EMB: variants seen among roughly 807,000 people sequenced by gnomAD.
The protein encoded by EMB is embigin homolog.
EMB carries 31 observed loss-of-function variants against 41.4 expected under a neutral mutation model. The observed-to-expected ratio is 0.75, with a 90% CI of 0.56 to 1.01. The LOEUF (loss-of-function observed/expected upper bound fraction) is 1.01, where lower values mean the gene tolerates loss of function less well. Among genes scored for constraint, EMB ranks in the 50% least tolerant of loss-of-function variants. The pLI, the probability that EMB is intolerant of heterozygous loss-of-function variation, is 0.00. For synonymous variants in EMB, 137 were observed against 140.4 expected (o/e 0.98, Z 0.17); for missense variants, 379 against 388.3 (o/e 0.98, Z 0.20).
At position 50,396,883 on chromosome 5, in the gene EMB, C is replaced by T. The variant is rs1382569212; in HGVS notation, c.*2390G>A. The T allele has an allele frequency of 6.6e-6, 1 of 151,980 alleles. No individual in the cohort carries two copies. Among genetic ancestry groups the T allele is most frequent in the African/African-American group, 2.4e-5 (1 of 41,374 alleles). 9.4% of individuals were successfully genotyped at this position (151,980 alleles called of 1,614,324 possible). A position where few individuals can be genotyped will look rare whatever the true frequency, so the allele number is the denominator to read the frequency against. ...AGGTCAAAGGAGCAGGGATTCATGACCCATAAGTATTAATTAATACAGAAG... is the reference window on the plus strand; with the variant it reads ...AGGTCAAAGGAGCAGGGATTCATGATCCATAAGTATTAATTAATACAGAAG... On this transcript the variant is annotated 3_prime_UTR_variant, in exon 9 of 9. Transcript: ENST00000303221.
rs186916241 is a variant in EMB at position 50,436,113 on chromosome 5, C to T, written c.112+4927G>A. Among the ~76,000 whole-genome samples, 299 of 152,250 alleles carry T rather than the reference C, an allele frequency of 2.0e-3. 1 individual carries two copies. Among genetic ancestry groups the T allele is most frequent in the Middle Eastern group, 6.8e-3 (2 of 294 alleles). On this transcript the variant is annotated intron_variant, in intron 1 of 8. Transcript: ENST00000303221. ...GTATACTCATCACTACTGGAAATCA[C>T]TGCTAAGAATACATGTGCACATATT...
intron 2 of EMB, among the ~76,000 whole-genome samples, chr5:50,426,016 A>G (rs889404594): frequency 6.6e-6 from 1 of 152,248 alleles, no homozygotes; most frequent in Admixed American, 6.5e-5. Context: ...GCCTAGAAAT[A>G]GCAATAAACC....
chr5:50,442,637 C>A (rs141595702), upstream of EMB, among the ~76,000 whole-genome samples: 7 of 152,258 alleles, frequency 4.6e-5, no homozygotes, highest in South Asian at 2.1e-4. Flanking sequence ...TTAAAAGATG[C>A]CTTCAAGGAC....
At position 50,399,072 on chromosome 5, in the gene EMB, C is replaced by T. The variant is rs1313133993; in HGVS notation, c.*201G>A. ...AACATATTTATTCTGATTTACATTG[C>T]TTTTATGTAACATAATTACAGAATG... On this transcript the variant is annotated 3_prime_UTR_variant, in exon 9 of 9. Transcript: ENST00000303221. 12 of 581,186 alleles carry T rather than the reference C, an allele frequency of 2.1e-5. No homozygotes were observed. The highest frequency in any genetic ancestry group is 3.3e-5 in the Non-Finnish European group (12 of 363,368). 36.0% of individuals were successfully genotyped at this position (581,186 alleles called of 1,614,324 possible). A position where few individuals can be genotyped will look rare whatever the true frequency, so the allele number is the denominator to read the frequency against.
chr5:50,422,323 G>A (rs1745538192), intron 2 of EMB, among the ~76,000 whole-genome samples: 1 of 152,178 alleles, frequency 6.6e-6, no homozygotes, highest in African/African-American at 2.4e-5. Flanking sequence ...CTTATTAGGT[G>A]TAGGTGTTAT....
intron 2 of EMB, among the ~76,000 whole-genome samples, chr5:50,425,378 A>C (rs1745592771): frequency 6.6e-6 from 1 of 152,114 alleles, no homozygotes; most frequent in African/African-American, 2.4e-5. Context: ...AACACAGGAG[A>C]GGTGATTCCA....
chr5:50,411,444 A>G (rs1745337007), intron 2 of EMB, 61 bp from the exon 3 acceptor site: 1 of 1,168,172 alleles, frequency 8.6e-7, no homozygotes, highest in Non-Finnish European at 1.2e-6. Flanking sequence ...AACACATAAA[A>G]CCTTTTATAT....
intron 1 of EMB, among the ~76,000 whole-genome samples, chr5:50,429,081 A>T (rs185537150): frequency 6.6e-6 from 1 of 152,054 alleles, no homozygotes; most frequent in Non-Finnish European, 1.5e-5. Flanking sequence ...TTTTTAGTAG[A>T]GATGGGGTTT....
chr5:50,403,159 C>T lies in EMB; in HGVS notation c.877+19G>A, dbSNP rs199737787. The T allele has an allele frequency of 1.3e-5, 19 of 1,460,402 alleles. No homozygotes were observed. The highest frequency in any genetic ancestry group is 1.9e-4 in the Middle Eastern group (1 of 5,338). 90.5% of individuals were successfully genotyped at this position (1,460,402 alleles called of 1,614,324 possible). ...AATACTTTCTAAAAAAAACAAAAAA[C>T]AAAAAAAAGAAATCCCACCTGAGTG... On this transcript the variant is annotated intron_variant, in intron 6 of 8. Coordinates refer to ENST00000303221, the MANE Select transcript of EMB (RefSeq NM_198449.3).
intron 1 of EMB, chr5:50,428,594 G>C: frequency 1.0e-6 from 1 of 989,642 alleles, no homozygotes; most frequent in African/African-American, 1.7e-5. Context: ...AAGAGGCAGA[G>C]AGAGAAGATG....
At chr5:50,405,998 A>C in intron 4 of EMB, 146 bp from the exon 5 acceptor site, 1 of 1,192,236 alleles carries the variant, frequency 8.4e-7, no homozygotes, top group Non-Finnish European at 1.1e-6. Context: ...AATTTATAGT[A>C]GTTAGGGTGT....
At chr5:50,419,318 TA>T (rs1745478014) in intron 2 of EMB, among the ~76,000 whole-genome samples, 3 of 152,322 alleles carry the variant, frequency 2.0e-5, no homozygotes, top group African/African-American at 7.2e-5. Context: ...TCTACCTTGA[TA>T]AAAAGCTTTC....
intron 1 of EMB, among the ~76,000 whole-genome samples, chr5:50,436,227 T>C (rs1452925153): frequency 1.3e-5 from 2 of 152,176 alleles, no homozygotes; most frequent in South Asian, 2.1e-4. Context: ...TATTTACACA[T>C]ATACTTGTTT....
Position 50,399,889 on chromosome 5 carries a change from T to C in EMB, c.936A>G (p.Ile312Met). ...EQLKSDDSNG[I>M]ENNVPRHRKN... ...TTCTATGCCTGGGGACATTATTTTC[T>C]ATACCATTGCTATCATCTGATTTCC... Residue 312 changes from isoleucine (I) to methionine (M), a missense_variant, in exon 8 of 9, where the codon ATA becomes ATG. Transcript: ENST00000303221. 6.2e-7 allele frequency: 1 copy of C among 1,605,152 alleles called. No homozygotes were observed. Among genetic ancestry groups the C allele is most frequent in the East Asian group, 2.2e-5 (1 of 44,598 alleles).
In EMB at chr5:50,430,909, C is replaced by T. The variant is rs1185192706; in HGVS notation, c.113-2682G>A. Among the ~76,000 whole-genome samples the T allele has an allele frequency of 5.3e-5, 8 of 152,084 alleles. No homozygotes were observed. In the South Asian group the frequency reaches 1.7e-3, roughly 32 times the overall value. On this transcript the variant is annotated intron_variant, in intron 1 of 8. Coordinates refer to ENST00000303221, the MANE Select transcript of EMB (RefSeq NM_198449.3). ...GTTAGAACAAGGAGAGAAAATGAGT[C>T]TAAGTTTGGCTTTGGCAGAATCTAA...
At position 50,421,510 on chromosome 5, in the gene EMB, A is replaced by T. The variant is rs550685821; in HGVS notation, c.196+6634T>A. Among the ~76,000 whole-genome samples, 11 of 152,264 alleles carry T rather than the reference A, an allele frequency of 7.2e-5. No individual in the cohort carries two copies. The South Asian group carries it at 1.5e-3, about 20-fold the overall frequency. On this transcript the variant is annotated intron_variant, in intron 2 of 8. Coordinates refer to ENST00000303221, the MANE Select transcript of EMB (RefSeq NM_198449.3). ...GGCGATTCCTCAGGGATCTAGAACT[A>T]GAAATACCATTTGACCCAGCCATCC... is the stretch of plus-strand genomic sequence containing the variant.
intron 2 of EMB, among the ~76,000 whole-genome samples, chr5:50,420,248 C>T (rs779767089): frequency 4.6e-5 from 7 of 152,160 alleles, no homozygotes; most frequent in Admixed American, 3.9e-4. Flanking sequence ...TCTCAGCACA[C>T]ACCAGATCAA....
intron 6 of EMB, 114 bp from the exon 7 acceptor site, chr5:50,402,433 T>C (rs1745179301): frequency 1.0e-6 from 1 of 985,072 alleles, no homozygotes; most frequent in East Asian, 2.5e-5. Context: ...TTTCTCCTGT[T>C]TGGAATGAAG....
chr5:50,421,024 C>T (rs1303480568), intron 2 of EMB, among the ~76,000 whole-genome samples: 1 of 152,098 alleles, frequency 6.6e-6, no homozygotes, highest in Non-Finnish European at 1.5e-5. Flanking sequence ...TAGCAGGGGA[C>T]ATATAACTCA....
Sources: allele counts gnomAD v4.1 joint callset (sites outside exome capture counted in the v4.1 genomes callset), GRCh38; gene constraint gnomAD v4.1.1; transcripts MANE v1.5; gene names NCBI Gene and HGNC (gene_info 2026-07-23, HGNC 2026-07-21).